RIMS2: variants seen among roughly 807,000 people sequenced by gnomAD.
RIMS2 encodes regulating synaptic membrane exocytosis 2, also known as regulating synaptic membrane exocytosis protein 2.
A neutral mutation model predicts 174.4 loss-of-function variants in RIMS2; 59 were observed. That is an observed-to-expected ratio of 0.34 (90% confidence interval 0.27 to 0.42). RIMS2 has a LOEUF of 0.42. Ranked by LOEUF, RIMS2 falls within the 10% of genes least tolerant of loss-of-function variation. RIMS2 has a pLI of 1.00. For missense variants in RIMS2, 1,620 were observed against 1,666.3 expected (o/e 0.97, Z 0.48); for synonymous variants, 606 against 572.5 (o/e 1.06, Z -0.84).
At chr8:103,749,273 G>A (rs1049971222) in intron 2 of RIMS2, among the ~76,000 whole-genome samples, 12 of 151,414 alleles carry the variant, frequency 7.9e-5, no homozygotes, top group Middle Eastern at 3.4e-3. Flanking sequence ...CAGCACGCCC[G>A]GCTAACTTTT....
chr8:104,093,594 A>C (rs1259528681), intron 19 of RIMS2: 2 of 1,597,768 alleles, frequency 1.3e-6, no homozygotes, highest in Admixed American at 1.7e-5. Context: ...CAGCAGCACA[A>C]GCTACATGTC....
intron 2 of RIMS2, among the ~76,000 whole-genome samples, chr8:103,761,551 A>G (rs919158576): frequency 6.6e-5 from 10 of 152,218 alleles, no homozygotes; most frequent in African/African-American, 2.4e-4. Context: ...TGAAGATAGC[A>G]CATGAGAATT....
intron 19 of RIMS2, among the ~76,000 whole-genome samples, chr8:104,205,327 C>T (rs2099074797): frequency 6.6e-6 from 1 of 152,120 alleles, no homozygotes; most frequent in African/African-American, 2.4e-5. Context: ...AGAACACAAA[C>T]TGATACTGTA....
chr8:104,202,357 T>C (rs1563727658), intron 19 of RIMS2, among the ~76,000 whole-genome samples: 1 of 152,184 alleles, frequency 6.6e-6, no homozygotes, highest in Admixed American at 6.5e-5. Context: ...TTTTTTAAAA[T>C]CTTAGAATAG....
At chr8:104,156,733 C>T (rs16871017) in intron 19 of RIMS2, among the ~76,000 whole-genome samples, 3,599 of 152,204 alleles carry the variant, frequency 0.024, 62 homozygotes, top group Non-Finnish European at 0.036. Flanking sequence ...TAGTATGTAA[C>T]AGTGCTAAGT....
intron 19 of RIMS2, among the ~76,000 whole-genome samples, chr8:104,098,381 A>T (rs1421547620): frequency 1.3e-5 from 2 of 152,152 alleles, no homozygotes; most frequent in Non-Finnish European, 2.9e-5. Context: ...GGCCTCAACA[A>T]ATTCATAAGA....
intron 3 of RIMS2, among the ~76,000 whole-genome samples, chr8:103,800,984 T>C (rs1201921347): frequency 3.3e-5 from 5 of 152,026 alleles, no homozygotes; most frequent in Admixed American, 1.3e-4. Context: ...TTTTATTTAT[T>C]TATTTATTCT....
intron 15 of RIMS2, among the ~76,000 whole-genome samples, chr8:103,967,622 T>C (rs1176612063): frequency 6.6e-6 from 1 of 151,990 alleles, no homozygotes; most frequent in South Asian, 2.1e-4. Context: ...GATAGAGTGG[T>C]ACGGTAATCT....
intron 3 of RIMS2, among the ~76,000 whole-genome samples, chr8:103,791,585 A>G (rs200726209): frequency 5.3e-5 from 8 of 152,120 alleles, no homozygotes; most frequent in African/African-American, 1.7e-4. Context: ...AACCTTAAAT[A>G]TAAATGGGCT....
chr8:104,038,144 G>A (rs2096550504), intron 19 of RIMS2, among the ~76,000 whole-genome samples: 1 of 151,822 alleles, frequency 6.6e-6, no homozygotes. Flanking sequence ...CAACTTGATG[G>A]TATCTTAAAT....
intron 1 of RIMS2, among the ~76,000 whole-genome samples, chr8:103,533,680 A>AG (rs1412528525): frequency 1.4e-5 from 2 of 146,306 alleles, no homozygotes; most frequent in Non-Finnish European, 3.0e-5. Context: ...AAAAAAAAAA[A>AG]AAGAAAAAGA....
chr8:103,748,416 C>G (rs953492850), intron 2 of RIMS2, among the ~76,000 whole-genome samples: 4 of 152,046 alleles, frequency 2.6e-5, no homozygotes, highest in African/African-American at 9.7e-5. Flanking sequence ...CCTCTGCACT[C>G]CAGCCTGAGC....
chr8:103,766,499 C>T (rs747985888), exon 3 of RIMS2: 22 of 1,613,458 alleles, frequency 1.4e-5, no homozygotes, highest in Middle Eastern at 1.7e-4. Flanking sequence ...ATGGGTCAGG[C>T]GTGAAGCATC....
rs1054786891 is a variant in RIMS2, at chr8:103,895,306, A to G, written c.1624+9083A>G. Among the ~76,000 whole-genome samples the G allele has an allele frequency of 6.6e-5, 10 of 151,600 alleles. No individual in the cohort carries two copies. In the South Asian group the frequency reaches 8.3e-4, roughly 13 times the overall value. ...ACTATACCAAATTACCATAGACTGG[A>G]TAGCTTAAAAAGCAGATGTTTATTT... On this transcript the variant is annotated intron_variant, in intron 4 of 23. Coordinates refer to ENST00000504942, the Ensembl canonical transcript of RIMS2.
At chr8:104,011,603 G>T (rs1597094169) in intron 17 of RIMS2, among the ~76,000 whole-genome samples, 2 of 151,902 alleles carry the variant, frequency 1.3e-5, no homozygotes, top group Non-Finnish European at 2.9e-5. Context: ...TCTTCACAAA[G>T]AAGTGAAATT....
chr8:104,080,253 G>A (rs546452148), intron 19 of RIMS2, among the ~76,000 whole-genome samples: 32 of 152,078 alleles, frequency 2.1e-4, no homozygotes, highest in African/African-American at 7.0e-4. Context: ...GTGGTACTTT[G>A]GAGGCAGCAT....
At chr8:103,814,021 G>A (rs1311707901) in intron 3 of RIMS2, among the ~76,000 whole-genome samples, 2 of 152,118 alleles carry the variant, frequency 1.3e-5, no homozygotes, top group Non-Finnish European at 2.9e-5. Context: ...ATGGTAGACT[G>A]CATAAAAAAA....
chr8:104,067,393 A>C (rs886470365), intron 19 of RIMS2, among the ~76,000 whole-genome samples: 2 of 152,260 alleles, frequency 1.3e-5, no homozygotes, highest in African/African-American at 2.4e-5. Context: ...TTCCTTTAAA[A>C]ATGACAAATG....
chr8:103,690,696 C>T (rs1045108560), intron 1 of RIMS2, among the ~76,000 whole-genome samples: 3 of 152,126 alleles, frequency 2.0e-5, no homozygotes, highest in Admixed American at 2.0e-4. Flanking sequence ...ATTTTTGATG[C>T]ATTCATCTTT....
Sources: gnomAD v4.1 joint callset for allele counts (sites outside exome capture counted in the v4.1 genomes callset) on GRCh38, gnomAD v4.1.1 for gene constraint, MANE v1.5 for transcripts, NCBI Gene and HGNC (gene_info 2026-07-23, HGNC 2026-07-21) for gene names.